TTC39C: variants seen among roughly 807,000 people sequenced by gnomAD.
The protein encoded by TTC39C is tetratricopeptide repeat domain 39C, also known as tetratricopeptide repeat protein 39C.
TTC39C carries 33 observed loss-of-function variants against 76.3 expected under a neutral mutation model. The observed-to-expected ratio is 0.43, with a 90% CI of 0.33 to 0.58. The LOEUF (loss-of-function observed/expected upper bound fraction) is 0.58. Ranked by LOEUF, TTC39C falls within the 20% of genes least tolerant of loss-of-function variation. The pLI, the probability that TTC39C is intolerant of heterozygous loss-of-function variation, is 0.04. For synonymous variants in TTC39C, 254 were observed against 260.6 expected (o/e 0.97, Z 0.24); for missense variants, 595 against 701.4 (o/e 0.85, Z 1.71).
chr18:24,024,014 A>ATTTTTTTTTTTTTTTT (rs1359475527), intron 1 of TTC39C, among the ~76,000 whole-genome samples: 1 of 6,226 alleles, frequency 1.6e-4, no homozygotes, highest in Non-Finnish European at 2.9e-4. Context: ...ATATATATAT[A>ATTTTTTTTTTTTTTTT]TATTTTTTTT....
rs187521730 is a variant in TTC39C at position 24,059,629 on chromosome 18, G to A, written c.168-4511G>A. Among the ~76,000 whole-genome samples, 6 of 152,256 alleles carry A rather than the reference G, an allele frequency of 3.9e-5. No homozygotes were observed. The East Asian group carries it at 9.6e-4, about 24-fold the overall frequency. On this transcript the variant is annotated intron_variant, in intron 1 of 13. Transcript: ENST00000317571. ...TCAGTCTATCATTGATGGGCATTTC[G>A]GTTGATTCCATGTCTTTGCTATTGT...
At chr18:24,047,937 C>T (rs2083905861) in intron 1 of TTC39C, among the ~76,000 whole-genome samples, 1 of 152,020 alleles carries the variant, frequency 6.6e-6, no homozygotes, top group Non-Finnish European at 1.5e-5. Flanking sequence ...CCTATGTACT[C>T]ATAAAAATTA....
At chr18:24,035,798 A>G (rs1276388606) in intron 1 of TTC39C, among the ~76,000 whole-genome samples, 2 of 152,152 alleles carry the variant, frequency 1.3e-5, no homozygotes, top group African/African-American at 2.4e-5. Flanking sequence ...AGATCGGTGT[A>G]TCTGTATTTT....
At chr18:24,109,403 C>T (rs2084785380) in intron 6 of TTC39C, among the ~76,000 whole-genome samples, 2 of 151,906 alleles carry the variant, frequency 1.3e-5, no homozygotes, top group South Asian at 4.2e-4. Flanking sequence ...ATAAACAAAG[C>T]AAATTATTTC....
chr18:24,036,525 G>A (rs187888677), intron 1 of TTC39C, among the ~76,000 whole-genome samples: 4 of 152,308 alleles, frequency 2.6e-5, no homozygotes. Context: ...CATTGTTAGT[G>A]TGTAGAAATA....
chr18:24,120,675 C>T (rs1028439211), intron 8 of TTC39C, among the ~76,000 whole-genome samples: 1 of 152,152 alleles, frequency 6.6e-6, no homozygotes, highest in Non-Finnish European at 1.5e-5. Flanking sequence ...CAAACTCTAC[C>T]CATTAAACAG....
intron 1 of TTC39C, among the ~76,000 whole-genome samples, chr18:24,061,848 G>T (rs571103883): frequency 1.3e-5 from 2 of 152,328 alleles, no homozygotes; most frequent in African/African-American, 4.8e-5. Context: ...ATGTTGCAGT[G>T]AGCCAAGATT....
intron 5 of TTC39C, 122 bp downstream of exon 5, chr18:24,081,061 CTT>C: frequency 1.1e-6 from 1 of 882,402 alleles, no homozygotes; most frequent in Middle Eastern, 3.3e-4. Flanking sequence ...GGTGCTGTGT[CTT>C]ATGTCTTTCA....
At chr18:24,083,925 A>G (rs2084409589) in intron 6 of TTC39C, among the ~76,000 whole-genome samples, 3 of 152,184 alleles carry the variant, frequency 2.0e-5, no homozygotes, top group African/African-American at 7.2e-5. Context: ...AGATTTTAAC[A>G]ACATCTGTCC....
At chr18:24,096,519 T>A (rs1340088742) in intron 6 of TTC39C, among the ~76,000 whole-genome samples, 2 of 152,194 alleles carry the variant, frequency 1.3e-5, no homozygotes, top group Non-Finnish European at 2.9e-5. Context: ...ATTCTGTTTT[T>A]AAATTGTAAA....
chr18:24,119,755 A>T (rs569273390), intron 8 of TTC39C, among the ~76,000 whole-genome samples: 1 of 152,306 alleles, frequency 6.6e-6, no homozygotes, highest in Non-Finnish European at 1.5e-5. Context: ...AGTAGCAGCT[A>T]TTTGTTGAGT....
rs368898208 is a variant in TTC39C at position 24,082,948 on chromosome 18, C to T, written c.851C>T (p.Pro284Leu). 1.2e-6 allele frequency: 2 copies of T among 1,613,838 alleles called. No individual in the cohort carries two copies. The highest frequency in any genetic ancestry group is 1.7e-6 in the Non-Finnish European group (2 of 1,179,826). ...CTCTGGTATCATACTGTAGTCCGCC[C>T]GTTTTTTGCCTTGGATGGCAGTGAT... ...ALLWYHTVVR[P>L]FFALDGSDNK... The change falls in exon 6 of 14, where the codon CCG (proline) becomes CTG (leucine). Residue 284 changes from proline to leucine, a missense_variant. By Grantham distance (98) the Pro-to-Leu change is moderately conservative (BLOSUM62 -3). Transcript: ENST00000317571.
intron 8 of TTC39C, among the ~76,000 whole-genome samples, chr18:24,120,728 C>A (rs2084956481): frequency 6.6e-6 from 1 of 152,194 alleles, no homozygotes; most frequent in African/African-American, 2.4e-5. Flanking sequence ...GGTTACCACG[C>A]TTCTACTTCC....
At chr18:24,000,595 C>T (rs887609770) in intron 1 of TTC39C, 4 of 152,268 alleles carry the variant, frequency 2.6e-5, no homozygotes, top group Admixed American at 6.5e-5. Flanking sequence ...GAAAGAGAAT[C>T]CTTACCAATT....
At chr18:24,022,405 G>A (rs1008583320) in intron 1 of TTC39C, among the ~76,000 whole-genome samples, 1 of 152,136 alleles carries the variant, frequency 6.6e-6, no homozygotes, top group Non-Finnish European at 1.5e-5. Context: ...CTTAGACAGA[G>A]GGAGGAGGAA....
chr18:24,079,906 A>G (rs1274089213), intron 4 of TTC39C, among the ~76,000 whole-genome samples: 1 of 151,702 alleles, frequency 6.6e-6, no homozygotes, highest in African/African-American at 2.4e-5. Flanking sequence ...GGCTCAGGGA[A>G]TCCTCCCACC....
At position 24,119,110 on chromosome 18, in the gene TTC39C, T is replaced by C. The variant is rs192547712; in HGVS notation, c.1186+878T>C. Among the ~76,000 whole-genome samples the C allele has an allele frequency of 2.2e-4, 18 of 82,146 alleles. No homozygotes were observed. In the East Asian group the frequency reaches 6.6e-3, roughly 30 times the overall value. The allele number at this position is 82,146 out of a possible 152,430, so 53.9% of individuals were successfully genotyped here. A position where few individuals can be genotyped will look rare whatever the true frequency, so the allele number is the denominator to read the frequency against. ...TACATTGCATATCGTTATTAACACC[T>C]GTATTCTGTTTTGAATTAAGTGTTT... On this transcript the variant is annotated intron_variant, in intron 8 of 13. Transcript: ENST00000317571.
intron 6 of TTC39C, among the ~76,000 whole-genome samples, chr18:24,103,541 T>G (rs2084705022): frequency 6.6e-6 from 1 of 152,208 alleles, no homozygotes; most frequent in Non-Finnish European, 1.5e-5. Flanking sequence ...TCCCCTACCT[T>G]GTCTCTTATA....
In TTC39C at chr18:24,104,721, T is replaced by A. The variant is rs1000674595; in HGVS notation, c.985-9833T>A. On this transcript the variant is annotated intron_variant, in intron 6 of 13. Transcript: ENST00000317571. ...GTGTGTGTGTGTGTGTGTGTGTGTG[T>A]GACTGTGCATGTGTGTGTGTGTGAT... 4.0e-5 allele frequency among the ~76,000 whole-genome samples: 6 copies of A among 150,502 alleles called. 1 individual carries two copies. The South Asian group carries it at 6.3e-4, about 16-fold the overall frequency.
Sources: gnomAD v4.1 joint callset for allele counts (sites outside exome capture counted in the v4.1 genomes callset) on GRCh38, gnomAD v4.1.1 for gene constraint, MANE v1.5 for transcripts, NCBI Gene and HGNC (gene_info 2026-07-23, HGNC 2026-07-21) for gene names.